RBFOX1: variants seen among roughly 807,000 people sequenced by gnomAD.
The protein encoded by RBFOX1 is RNA binding protein fox-1 homolog 1.
Under a neutral mutation model 57.7 loss-of-function variants are expected in RBFOX1, and 8 were observed. That is an observed-to-expected ratio of 0.14 (90% CI 0.08 to 0.25). The LOEUF (loss-of-function observed/expected upper bound fraction) is 0.25, where lower values mean the gene tolerates loss of function less well. RBFOX1 is among the 10% of genes least tolerant of loss of function. RBFOX1 has a pLI of 1.00. For missense variants in RBFOX1, 611 were observed against 548.5 expected (o/e 1.11, Z -1.14); for synonymous variants, 326 against 222.4 (o/e 1.47, Z -4.15).
Position 7,544,492 on chromosome 16 carries a change from GA to G in RBFOX1, c.270+26107del, listed in dbSNP as rs1297344265. On this transcript the variant is annotated intron_variant, in intron 5 of 15. Transcript: ENST00000550418. The stretch of plus-strand genomic sequence containing the variant: ...AATTCAATGAGTGTTGTCCTTGTAA[GA>G]AAACCATGTCAAGACGCACAAAGGT... Among the ~76,000 whole-genome samples, 11 of 152,258 alleles carry G rather than the reference GA, an allele frequency of 7.2e-5. No homozygotes were observed. The South Asian group carries it at 2.1e-3, about 29-fold the overall frequency.
At chr16:6,725,165 C>G (rs942178707) in intron 3 of RBFOX1, among the ~76,000 whole-genome samples, 1 of 150,516 alleles carries the variant, frequency 6.6e-6, no homozygotes. Context: ...ATTCTCCTGC[C>G]TCAGCCTCCC....
At chr16:6,012,066 A>G (rs9930212) in intron 4 of RBFOX1, among the ~76,000 whole-genome samples, 33,658 of 152,176 alleles carry the variant, frequency 0.22, 4,267 homozygotes, top group African/African-American at 0.35. Flanking sequence ...CAACGGTGAG[A>G]AATTTCTCGT....
At chr16:7,041,869 A>G (rs989399964) in intron 3 of RBFOX1, among the ~76,000 whole-genome samples, 8 of 152,158 alleles carry the variant, frequency 5.3e-5, no homozygotes, top group African/African-American at 1.7e-4. Flanking sequence ...AGTAATTCTT[A>G]TAGATTATGC....
chr16:6,119,995 A>G (rs548288607), intron 1 of RBFOX1, among the ~76,000 whole-genome samples: 2 of 152,038 alleles, frequency 1.3e-5, no homozygotes, highest in Non-Finnish European at 2.9e-5. Flanking sequence ...CTATGTATAG[A>G]TTTTCCTTTT....
chr16:6,201,475 C>A (rs1040233890), intron 1 of RBFOX1, among the ~76,000 whole-genome samples: 3 of 152,054 alleles, frequency 2.0e-5, no homozygotes, highest in Non-Finnish European at 4.4e-5. Context: ...CATTATTGGA[C>A]TTACAGAGAT....
chr16:6,297,617 T>C (rs1185273407), intron 1 of RBFOX1, among the ~76,000 whole-genome samples: 2 of 152,106 alleles, frequency 1.3e-5, no homozygotes, highest in Non-Finnish European at 2.9e-5. Context: ...CAAGCCTGGA[T>C]ACTTGTGGCC....
intron 3 of RBFOX1, among the ~76,000 whole-genome samples, chr16:5,834,710 G>GATAGATAGATAC (rs1555541456): frequency 8.0e-6 from 1 of 124,564 alleles, no homozygotes; most frequent in Non-Finnish European, 1.6e-5. Flanking sequence ...TAGATAGATA[G>GATAGATAGATAC]ATAGATACAT....
intron 2 of RBFOX1, among the ~76,000 whole-genome samples, chr16:6,632,361 G>T (rs1169338612): frequency 6.6e-6 from 1 of 151,996 alleles, no homozygotes; most frequent in Admixed American, 6.6e-5. Context: ...GTCTGAACTT[G>T]TTGGAGAAAC....
At chr16:7,662,301 G>C (rs549265724) in intron 12 of RBFOX1, among the ~76,000 whole-genome samples, 2 of 152,052 alleles carry the variant, frequency 1.3e-5, no homozygotes, top group African/African-American at 4.8e-5. Context: ...CTCTTGCCCT[G>C]GTCTCCTAAT....
intron 3 of RBFOX1, among the ~76,000 whole-genome samples, chr16:5,855,339 G>A (rs1389581314): frequency 6.6e-6 from 1 of 152,078 alleles, no homozygotes; most frequent in East Asian, 1.9e-4. Context: ...TTTTCTTTTG[G>A]TAACCTTACG....
At chr16:6,241,878 A>C (rs1431118640) in intron 1 of RBFOX1, among the ~76,000 whole-genome samples, 1 of 152,220 alleles carries the variant, frequency 6.6e-6, no homozygotes, top group Non-Finnish European at 1.5e-5. Flanking sequence ...CAACACATTG[A>C]CACATGGACA....
At chr16:5,635,904 GGTGATAT>G (rs2048668664) in intron 3 of RBFOX1, among the ~76,000 whole-genome samples, 1 of 152,136 alleles carries the variant, frequency 6.6e-6, no homozygotes, top group Non-Finnish European at 1.5e-5. Context: ...AGGATGAAGG[GGTGATAT>G]CAAAACTATT....
chr16:7,265,989 T>TTTTTG (rs2095122558), intron 4 of RBFOX1, among the ~76,000 whole-genome samples: 1 of 137,932 alleles, frequency 7.2e-6, no homozygotes, highest in African/African-American at 3.0e-5. Context: ...TTTTTTTTTT[T>TTTTTG]TCTGAGAGGG....
chr16:6,636,389 C>G (rs1165290099), intron 2 of RBFOX1, among the ~76,000 whole-genome samples: 3 of 152,048 alleles, frequency 2.0e-5, no homozygotes, highest in East Asian at 1.9e-4. Flanking sequence ...CCAGGATGGT[C>G]TCGATCTCCT....
intron 4 of RBFOX1, among the ~76,000 whole-genome samples, chr16:7,078,649 G>A (rs184882094): frequency 9.9e-4 from 149 of 150,828 alleles, no homozygotes; most frequent in African/African-American, 3.5e-3. Flanking sequence ...CACCCAGCCC[G>A]ACCCTATTTT....
At chr16:7,408,687 T>C (rs969685075) in intron 4 of RBFOX1, among the ~76,000 whole-genome samples, 3 of 152,150 alleles carry the variant, frequency 2.0e-5, no homozygotes, top group Non-Finnish European at 2.9e-5. Flanking sequence ...AGGCCGAACA[T>C]GTACTTTTTT....
chr16:7,134,237 T>C (rs547542673), intron 4 of RBFOX1, among the ~76,000 whole-genome samples: 4 of 152,316 alleles, frequency 2.6e-5, no homozygotes, highest in Admixed American at 2.6e-4. Flanking sequence ...TGGTGATCAA[T>C]AGAGCTGTGC....
intron 1 of RBFOX1, among the ~76,000 whole-genome samples, chr16:6,091,041 A>G (rs780391531): frequency 7.2e-5 from 11 of 152,330 alleles, no homozygotes; most frequent in Middle Eastern, 3.4e-3. Context: ...ACATTGATCA[A>G]TTCTTTCTGT....
intron 13 of RBFOX1, among the ~76,000 whole-genome samples, chr16:7,669,614 A>G (rs111496739): frequency 6.6e-6 from 1 of 152,252 alleles, no homozygotes; most frequent in African/African-American, 2.4e-5. Flanking sequence ...TAAATTCTGT[A>G]TAACAAGTTT....
Sources: gnomAD v4.1 joint callset for allele counts (sites outside exome capture counted in the v4.1 genomes callset) on GRCh38, gnomAD v4.1.1 for gene constraint, MANE v1.5 for transcripts, NCBI Gene and HGNC (gene_info 2026-07-23, HGNC 2026-07-21) for gene names.